ZSCAN5C: variants seen among roughly 807,000 people sequenced by gnomAD.
ZSCAN5C encodes the protein zinc finger and SCAN domain containing 5C.
ZSCAN5C carries 11 observed loss-of-function variants against 17.3 expected under a neutral mutation model. The ratio of observed to expected loss-of-function variants is 0.64; its 90% confidence interval spans 0.40 to 1.06. The LOEUF is 1.06. Ranked by LOEUF, ZSCAN5C falls within the 50% of genes least tolerant of loss-of-function variation. ZSCAN5C has a pLI of 0.00. For missense variants in ZSCAN5C, 698 were observed against 538.9 expected (o/e 1.30, Z -2.92); for synonymous variants, 229 against 208.4 (o/e 1.10, Z -0.85).
chr19:56,207,683 G>C (rs1261710679), intron 3 of ZSCAN5C, among the ~76,000 whole-genome samples: 3 of 151,892 alleles, frequency 2.0e-5, no homozygotes, highest in Non-Finnish European at 4.4e-5. Context: ...ACATGGCCAT[G>C]TCTAGAGACA....
At chr19:56,206,897 A>G (rs926062647) in intron 2 of ZSCAN5C, among the ~76,000 whole-genome samples, 162 bp from the exon 3 acceptor site, 1 of 151,964 alleles carries the variant, frequency 6.6e-6, no homozygotes, top group Non-Finnish European at 1.5e-5. Context: ...TTATATACTT[A>G]TCTAGAAAAG....
downstream of ZSCAN5C, chr19:56,209,255 C>A: frequency 1.6e-6 from 1 of 630,088 alleles, no homozygotes; most frequent in African/African-American, 1.8e-5. Flanking sequence ...AGATTTTTCA[C>A]CGATGTTGTC....
At chr19:56,208,172 C>G (rs750248765) in exon 4 of ZSCAN5C, 1 of 779,496 alleles carries the variant, frequency 1.3e-6, no homozygotes, top group South Asian at 1.3e-5. Context: ...GCCTCAGCTT[C>G]CAAACAGTCC....
exon 2 of ZSCAN5C, chr19:56,205,862 C>A: frequency 1.3e-6 from 1 of 799,150 alleles, no homozygotes; most frequent in Non-Finnish European, 2.1e-6. Flanking sequence ...AATTAGACAC[C>A]GGCTTCTGGA....
At chr19:56,205,425 GATCTT>G (rs2032910069) in intron 1 of ZSCAN5C, among the ~76,000 whole-genome samples, 1 of 151,954 alleles carries the variant, frequency 6.6e-6, no homozygotes, top group East Asian at 1.9e-4. Flanking sequence ...ATTTGCCTTG[GATCTT>G]ATCTTGATAA....
chr19:56,208,716 C>G (rs955100305), exon 5 of ZSCAN5C: 1 of 1,612,476 alleles, frequency 6.2e-7, no homozygotes, highest in African/African-American at 1.3e-5. Flanking sequence ...GTTCATTCCC[C>G]AGGCCCTGCG....
exon 2 of ZSCAN5C, chr19:56,206,079 T>G: frequency 1.9e-6 from 3 of 1,610,974 alleles, no homozygotes; most frequent in Middle Eastern, 1.6e-4. Context: ...CCCGAAGGAG[T>G]CGGACCCCAT....
At chr19:56,207,233 C>T (rs965928391) in exon 3 of ZSCAN5C, 13 of 778,850 alleles carry the variant, frequency 1.7e-5, no homozygotes, top group Non-Finnish European at 2.9e-5. Context: ...GCAGACCCTG[C>T]CCAGGGTCCC....
At chr19:56,206,522 C>T (rs541300706) in intron 2 of ZSCAN5C, among the ~76,000 whole-genome samples, 2 of 152,042 alleles carry the variant, frequency 1.3e-5, no homozygotes, top group African/African-American at 4.8e-5. Flanking sequence ...CAGGACAACC[C>T]ATCATGACAA....
rs745624946 is a variant in ZSCAN5C at position 56,209,111 on chromosome 19, C to G, written c.1402C>G (p.His468Asp). 3 of 1,570,800 alleles carry G rather than the reference C, an allele frequency of 1.9e-6. No individual in the cohort carries two copies. The Admixed American group carries it at 5.1e-5, about 27-fold the overall frequency. The change falls in exon 5 of 5, where the codon CAC becomes GAC. Residue 468 changes from histidine (H) to aspartate (D), a missense_variant. Transcript: ENST00000534327. The stretch of plus-strand genomic sequence containing the variant: ...GCGCATCCACTCTGGAGAGAAACCC[C>G]ACAAATGTTCCAAGTGTCCAAGAGC...
chr19:56,207,850 C>T (rs923287124), intron 3 of ZSCAN5C, among the ~76,000 whole-genome samples, 184 bp from the exon 4 acceptor site: 6 of 151,872 alleles, frequency 4.0e-5, no homozygotes, highest in Non-Finnish European at 8.8e-5. Flanking sequence ...GAGTCATGCT[C>T]CTTCCAGCGT....
At chr19:56,204,461 G>C (rs181501166) in intron 1 of ZSCAN5C, among the ~76,000 whole-genome samples, 1 of 151,526 alleles carries the variant, frequency 6.6e-6, no homozygotes, top group Non-Finnish European at 1.5e-5. Flanking sequence ...CTGATGATGA[G>C]TGATGACGAG....
At position 56,206,081 on chromosome 19, in the gene ZSCAN5C, G is replaced by A. The variant is rs540989851; in HGVS notation, c.168G>A (p.Ser56=). Residue 56 remains serine, a synonymous_variant, in exon 2 of 5, where the codon TCG becomes TCA. Coordinates refer to ENST00000534327, the Ensembl canonical transcript of ZSCAN5C. Reference sequence around the variant, plus strand: ...GGATGTTCAGCTGCCCGAAGGAGTCGGACCCCATCCAGGCTCTGAGGAAAC... The same window carrying A: ...GGATGTTCAGCTGCCCGAAGGAGTCAGACCCCATCCAGGCTCTGAGGAAAC... 50 of 1,611,172 alleles carry A rather than the reference G, an allele frequency of 3.1e-5. No individual in the cohort carries two copies. The South Asian group carries it at 4.0e-4, about 13-fold the overall frequency.
At chr19:56,209,031 A>T (rs1339201596) in exon 5 of ZSCAN5C, 1 of 1,612,330 alleles carries the variant, frequency 6.2e-7, no homozygotes, top group African/African-American at 1.3e-5. Context: ...AAGCCCTTCG[A>T]ATGTAAAGAC....
At position 56,203,349 on chromosome 19, in the gene ZSCAN5C, A is replaced by C. The variant is rs184760531; in HGVS notation, c.-128+1027A>C. Among the ~76,000 whole-genome samples the C allele has an allele frequency of 1.3e-4, 20 of 152,090 alleles. 1 individual carries two copies. The highest frequency in any genetic ancestry group is 4.4e-4 in the African/African-American group (18 of 41,346). ...ATACGTATTTATGGTGTACAGCATA[A>C]TGTGCTTTGCAGGATAGAAACAATG... On this transcript the variant is annotated intron_variant, in intron 1 of 4. Transcript: ENST00000534327.
exon 5 of ZSCAN5C, chr19:56,208,922 A>T (rs1568592129): frequency 6.2e-7 from 1 of 1,613,058 alleles, no homozygotes. Context: ...TCACCAGCGA[A>T]CCCACACTGG....
downstream of ZSCAN5C, chr19:56,209,338 G>A (rs906146599): frequency 4.0e-6 from 2 of 496,390 alleles, no homozygotes; most frequent in Admixed American, 3.7e-5. Context: ...TAGGATGTTT[G>A]TTTAAATCTT....
In ZSCAN5C at chr19:56,209,191, T is replaced by TG; in HGVS notation, c.1482_1483insG (p.Ser495ValfsTer?). On this transcript the variant is annotated frameshift_variant, in exon 5 of 5. Coordinates refer to ENST00000534327, the Ensembl canonical transcript of ZSCAN5C. LOFTEE classifies it high-confidence loss of function. ...ACCAGAAAACACATCGAGAAGCCAC[T>TG]TCACAGTGACTTCACCATCGGGTCT... 2 of 815,930 alleles carry TG rather than the reference T, an allele frequency of 2.5e-6. No homozygotes were observed. Among genetic ancestry groups the TG allele is most frequent in the Non-Finnish European group, 4.1e-6 (2 of 486,146 alleles). 50.5% of individuals were successfully genotyped at this position (815,930 alleles called of 1,614,324 possible).
At chr19:56,203,640 ATTTT>A (rs564406569) in intron 1 of ZSCAN5C, among the ~76,000 whole-genome samples, 12 of 86,824 alleles carry the variant, frequency 1.4e-4, no homozygotes, top group Non-Finnish European at 1.7e-4. Flanking sequence ...TCTACTGGGA[ATTTT>A]TTTTTTTTTT....
Sources: gnomAD v4.1 joint callset for allele counts (sites outside exome capture counted in the v4.1 genomes callset) on GRCh38, gnomAD v4.1.1 for gene constraint, MANE v1.5 for transcripts, NCBI Gene and HGNC (gene_info 2026-07-23, HGNC 2026-07-21) for gene names.